The following UBE2D2 variants were observed in gnomAD, a reference collection of about 807,000 sequenced individuals.
UBE2D2 encodes ubiquitin conjugating enzyme E2 D2, also known as ubiquitin-conjugating enzyme E2 D2.
UBE2D2 carries 2 observed loss-of-function variants against 24.2 expected under a neutral mutation model. The ratio of observed to expected loss-of-function variants is 0.08; its 90% confidence interval spans 0.03 to 0.26. The LOEUF is 0.26. Ranked by LOEUF, UBE2D2 falls within the 10% of genes least tolerant of loss-of-function variation. UBE2D2 has a pLI of 1.00. For missense variants in UBE2D2, 44 were observed against 177.6 expected (o/e 0.25, Z 4.28); for synonymous variants, 58 against 56.5 (o/e 1.03, Z -0.12).
chr5:139,558,263 A>T (rs1753007000), upstream of UBE2D2, among the ~76,000 whole-genome samples: 1 of 152,168 alleles, frequency 6.6e-6, no homozygotes, highest in African/African-American at 2.4e-5. Context: ...TATTTGAAAC[A>T]GGAAAATTCA....
At chr5:139,573,565 T>C (rs560308696) in intron 1 of UBE2D2, among the ~76,000 whole-genome samples, 3 of 152,326 alleles carry the variant, frequency 2.0e-5, no homozygotes, top group East Asian at 3.9e-4. Context: ...TATCCCATCA[T>C]GGATAGGTCA....
intron 1 of UBE2D2, among the ~76,000 whole-genome samples, chr5:139,531,462 G>C (rs771674641): frequency 6.6e-6 from 1 of 152,080 alleles, no homozygotes; most frequent in African/African-American, 2.4e-5. Flanking sequence ...TGCACTCGGG[G>C]AGATCGGATT....
chr5:139,549,012 C>T (rs1308543399), intron 1 of UBE2D2, among the ~76,000 whole-genome samples: 3 of 152,072 alleles, frequency 2.0e-5, no homozygotes, highest in East Asian at 3.9e-4. Context: ...CCATGCCCAG[C>T]TAATTTTTTG....
Position 139,615,396 on chromosome 5 carries a change from A to G in UBE2D2, c.304+430A>G, listed in dbSNP as rs184969208. 3.9e-3 allele frequency among the ~76,000 whole-genome samples: 601 copies of G among 152,286 alleles called. 2 individuals are homozygous for G. Among genetic ancestry groups the G allele is most frequent in the African/African-American group, 0.014 (571 of 41,566 alleles). The stretch of plus-strand genomic sequence containing the variant: ...GCTACTCGGGAGGCTGAGGCAGGAG[A>G]ATGGTGTGAACCCGGGAGGCAGAGG... On this transcript the variant is annotated intron_variant, in intron 5 of 6. Transcript: ENST00000398733.
intron 1 of UBE2D2, among the ~76,000 whole-genome samples, chr5:139,590,561 C>T (rs757194386): frequency 5.9e-5 from 9 of 151,588 alleles, no homozygotes; most frequent in Non-Finnish European, 8.8e-5. Context: ...CCATGTAACG[C>T]TATCTAAATA....
chr5:139,574,464 T>C (rs1753425022), intron 1 of UBE2D2, among the ~76,000 whole-genome samples: 1 of 151,820 alleles, frequency 6.6e-6, no homozygotes, highest in South Asian at 2.1e-4. Context: ...GAATCTCTTC[T>C]CACCCCATCC....
intron 1 of UBE2D2, among the ~76,000 whole-genome samples, chr5:139,555,644 C>T (rs965878055): frequency 1.3e-5 from 2 of 151,930 alleles, no homozygotes; most frequent in South Asian, 2.1e-4. Context: ...TCTAGAAAAA[C>T]GGCCAGATGT....
upstream of UBE2D2, among the ~76,000 whole-genome samples, chr5:139,558,349 G>A (rs956763693): frequency 3.9e-5 from 6 of 152,100 alleles, no homozygotes; most frequent in Non-Finnish European, 4.4e-5. Flanking sequence ...GTGCAGTGGC[G>A]CGATCTCAGC....
At chr5:139,595,443 ATGT>A (rs1016804520) in intron 1 of UBE2D2, among the ~76,000 whole-genome samples, 14 of 151,928 alleles carry the variant, frequency 9.2e-5, no homozygotes, top group Admixed American at 5.9e-4. Context: ...CAGTAGCACG[ATGT>A]TGTCTCACTA....
chr5:139,580,410 C>T (rs1753573351), intron 1 of UBE2D2, among the ~76,000 whole-genome samples: 2 of 152,016 alleles, frequency 1.3e-5, no homozygotes, highest in African/African-American at 4.8e-5. Context: ...GGCTTGAGTC[C>T]AGGAGTATAA....
chr5:139,561,051 T>C (rs1314022842), upstream of UBE2D2: 1 of 152,676 alleles, frequency 6.5e-6, no homozygotes, highest in East Asian at 1.9e-4. Flanking sequence ...CGCCTTTTAA[T>C]ATTTATTGAT....
intron 5 of UBE2D2, among the ~76,000 whole-genome samples, chr5:139,618,288 T>C (rs1754456002): frequency 6.6e-6 from 1 of 152,116 alleles, no homozygotes; most frequent in South Asian, 2.1e-4. Flanking sequence ...ATTAATTTTT[T>C]AAAGCAAACA....
chr5:139,561,934 C>G (rs1469167705), intron 1 of UBE2D2, 119 bp downstream of exon 1: 3 of 1,352,414 alleles, frequency 2.2e-6, no homozygotes, highest in African/African-American at 3.1e-5. Context: ...GTGCTGGCCC[C>G]TCGGGGCGGC....
chr5:139,574,808 G>A (rs946462276), intron 1 of UBE2D2, among the ~76,000 whole-genome samples: 2 of 151,800 alleles, frequency 1.3e-5, no homozygotes, highest in African/African-American at 4.8e-5. Flanking sequence ...GTCACTTTGC[G>A]AATTTTCCTG....
Position 139,561,609 on chromosome 5 carries a change from G to T in UBE2D2, c.-183G>T. ...CGCCGGGTGATGCGGTGACCGCTGCGGCAGGCCCAGGAGCTGAGTGGGCCC... is the reference window on the plus strand; with the variant it reads ...CGCCGGGTGATGCGGTGACCGCTGCTGCAGGCCCAGGAGCTGAGTGGGCCC... On this transcript the variant is annotated 5_prime_UTR_variant, in exon 1 of 7. Transcript: ENST00000398733. 4.5e-6 allele frequency: 2 copies of T among 447,072 alleles called. No individual in the cohort carries two copies. Among genetic ancestry groups the T allele is most frequent in the South Asian group, 5.0e-5 (1 of 20,160 alleles). 27.7% of individuals were successfully genotyped at this position (447,072 alleles called of 1,614,324 possible). A position where few individuals can be genotyped will look rare whatever the true frequency, so the allele number is the denominator to read the frequency against.
rs1031605284 is a variant in UBE2D2 at position 139,534,551 on chromosome 5, G to A, written c.-64+7939G>A. Among the ~76,000 whole-genome samples the A allele has an allele frequency of 1.4e-5, 2 of 147,800 alleles. 1 individual carries two copies. Among genetic ancestry groups the A allele is most frequent in the African/African-American group, 5.0e-5 (2 of 39,648 alleles). ...ACTGCACTCCAACCTGGGTGACAGA[G>A]TGAGACACTGTCTCAGGAAAAAAAA... is the stretch of plus-strand genomic sequence containing the variant. On this transcript the variant is annotated intron_variant, in intron 1 of 6. Transcript: ENST00000511725.
chr5:139,538,334 T>C (rs910729595), intron 1 of UBE2D2, among the ~76,000 whole-genome samples: 1 of 152,106 alleles, frequency 6.6e-6, no homozygotes, highest in African/African-American at 2.4e-5. Context: ...ACACTCAAGT[T>C]CATAGCAGCA....
intron 1 of UBE2D2, among the ~76,000 whole-genome samples, chr5:139,582,013 T>A (rs1404746922): frequency 6.6e-6 from 1 of 150,804 alleles, no homozygotes; most frequent in Non-Finnish European, 1.5e-5. Flanking sequence ...GAAGATAGAG[T>A]CTCACTTTGT....
intron 5 of UBE2D2, among the ~76,000 whole-genome samples, chr5:139,622,972 G>A (rs908110982): frequency 6.6e-6 from 1 of 152,088 alleles, no homozygotes; most frequent in South Asian, 2.1e-4. Flanking sequence ...GGGAGGCCGA[G>A]GCGGGTGAAT....
Sources: gnomAD v4.1 joint callset for allele counts (sites outside exome capture counted in the v4.1 genomes callset) on GRCh38, gnomAD v4.1.1 for gene constraint, MANE v1.5 for transcripts, NCBI Gene and HGNC (gene_info 2026-07-23, HGNC 2026-07-21) for gene names.